The following INVS variants were observed in gnomAD, a reference collection of about 807,000 sequenced individuals.
INVS encodes the protein inversin.
INVS carries 86 observed loss-of-function variants against 108.8 expected under a neutral mutation model. The ratio of observed to expected loss-of-function variants is 0.79; its 90% CI spans 0.66 to 0.95. The LOEUF (loss-of-function observed/expected upper bound fraction) is 0.95. Among genes scored for constraint, INVS ranks in the 40% least tolerant of loss-of-function variants. The probability of loss-of-function intolerance (pLI) is 0.00; values close to 1 mark genes in which losing one functional copy is unlikely to be tolerated. For synonymous variants in INVS, 455 were observed against 473.5 expected, an observed-to-expected ratio of 0.96 and a Z score of 0.51; for missense variants, 1,169 against 1,297.4, an observed-to-expected ratio of 0.90 and a Z score of 1.52.
intron 10 of INVS, among the ~76,000 whole-genome samples, chr9:100,263,501 G>GT (rs1345621767): frequency 3.9e-5 from 6 of 152,070 alleles, no homozygotes; most frequent in African/African-American, 1.2e-4. Flanking sequence ...GCCTTTCTCT[G>GT]TATCACTTAT....
chr9:100,163,479 GAACAA>G (rs1829259491), intron 3 of INVS, among the ~76,000 whole-genome samples: 1 of 151,986 alleles, frequency 6.6e-6, no homozygotes, highest in Admixed American at 6.6e-5. Context: ...ATATAGCAGT[GAACAA>G]AACAAAACAA....
At chr9:100,209,499 A>G (rs770632147) in intron 3 of INVS, among the ~76,000 whole-genome samples, 25 of 152,242 alleles carry the variant, frequency 1.6e-4, no homozygotes, top group Non-Finnish European at 3.4e-4. Context: ...GGCCGGGTGC[A>G]GTGGCTCATG....
At chr9:100,124,683 T>C (rs1827831365) in intron 2 of INVS, among the ~76,000 whole-genome samples, 1 of 152,228 alleles carries the variant, frequency 6.6e-6, no homozygotes, top group Non-Finnish European at 1.5e-5. Flanking sequence ...GAGCACTTTT[T>C]TGAGAGTTGT....
chr9:100,274,088 T>A (rs1329647230), intron 12 of INVS, among the ~76,000 whole-genome samples: 1 of 152,036 alleles, frequency 6.6e-6, no homozygotes, highest in Non-Finnish European at 1.5e-5. Context: ...CTGGGTGCGG[T>A]GGCTCACACC....
At chr9:100,293,653 G>C (rs868429297) in intron 14 of INVS, among the ~76,000 whole-genome samples, 4 of 152,216 alleles carry the variant, frequency 2.6e-5, no homozygotes, top group Non-Finnish European at 4.4e-5. Context: ...GGCACTGGGA[G>C]TGGGGGTGAA....
At position 100,229,959 on chromosome 9, in the gene INVS, C is replaced by G. The variant is rs1452896750; in HGVS notation, c.615+132C>G. 3.7e-6 allele frequency: 3 copies of G among 813,534 alleles called. No individual in the cohort carries two copies. The African/African-American group carries it at 5.1e-5, about 14-fold the overall frequency. The allele number at this position is 813,534 out of a possible 1,614,324, so 50.4% of individuals were successfully genotyped here. A position where few individuals can be genotyped will look rare whatever the true frequency, so the allele number is the denominator to read the frequency against. The stretch of plus-strand genomic sequence containing the variant: ...CAAAAGAATACAACAGACATATGGA[C>G]TCATCCCCCAAGAAGTAGAACATTT... On this transcript the variant is annotated intron_variant, in intron 5 of 16. Transcript: ENST00000262457.
At chr9:100,216,652 A>G (rs181890614) in intron 3 of INVS, among the ~76,000 whole-genome samples, 1 of 152,278 alleles carries the variant, frequency 6.6e-6, no homozygotes, top group East Asian at 1.9e-4. Flanking sequence ...TTTTCAATCC[A>G]CCTAAAGATC....
intron 3 of INVS, among the ~76,000 whole-genome samples, chr9:100,177,420 G>T (rs1829753109): frequency 6.6e-6 from 1 of 152,180 alleles, no homozygotes; most frequent in Non-Finnish European, 1.5e-5. Flanking sequence ...GTCGACCTGG[G>T]ACACTCTAGC....
intron 3 of INVS, among the ~76,000 whole-genome samples, chr9:100,176,718 C>T (rs949508749): frequency 9.9e-5 from 15 of 152,018 alleles, no homozygotes; most frequent in Admixed American, 7.9e-4. Context: ...CCTTGTGATC[C>T]GCCCGCCTCA....
At chr9:100,140,726 G>A (rs1462851134) in intron 3 of INVS, among the ~76,000 whole-genome samples, 2 of 152,102 alleles carry the variant, frequency 1.3e-5, no homozygotes, top group South Asian at 2.1e-4. Context: ...AATTAGGGGC[G>A]GTGTGGGAAC....
chr9:100,191,880 AT>A (rs1265723267), intron 3 of INVS, among the ~76,000 whole-genome samples: 1 of 152,040 alleles, frequency 6.6e-6, no homozygotes, highest in Admixed American at 6.6e-5. Flanking sequence ...CCCCTTAAGG[AT>A]GTAACTTTAA....
At chr9:100,247,839 C>T (rs1009458121) in intron 8 of INVS, among the ~76,000 whole-genome samples, 3 of 152,032 alleles carry the variant, frequency 2.0e-5, no homozygotes, top group Non-Finnish European at 4.4e-5. Context: ...GACGGAGTCT[C>T]ACTCTGTCAC....
At chr9:100,243,465 A>T (rs1831944009) in intron 7 of INVS, among the ~76,000 whole-genome samples, 1 of 152,308 alleles carries the variant, frequency 6.6e-6, no homozygotes, top group South Asian at 2.1e-4. Flanking sequence ...TATGTATATT[A>T]TACGTCTGAG....
chr9:100,238,128 G>A (rs1046289313), intron 5 of INVS, among the ~76,000 whole-genome samples: 7 of 151,714 alleles, frequency 4.6e-5, no homozygotes, highest in Non-Finnish European at 8.8e-5. Context: ...ATCCACCTAC[G>A]TCAGCCTCCC....
intron 3 of INVS, among the ~76,000 whole-genome samples, chr9:100,133,264 T>C (rs1262438871): frequency 6.6e-6 from 1 of 152,178 alleles, no homozygotes; most frequent in African/African-American, 2.4e-5. Context: ...CCAAAACCCT[T>C]CTTTCCCTGT....
chr9:100,149,746 C>G (rs1828749446), intron 3 of INVS, among the ~76,000 whole-genome samples: 1 of 152,084 alleles, frequency 6.6e-6, no homozygotes, highest in African/African-American at 2.4e-5. Context: ...GTCAACACAT[C>G]TTGATTGAAA....
Position 100,182,477 on chromosome 9 carries a change from A to G in INVS, c.274-43585A>G, listed in dbSNP as rs1385999160. Among the ~76,000 whole-genome samples the G allele has an allele frequency of 3.0e-4, 45 of 152,170 alleles. 1 individual carries two copies. Among genetic ancestry groups the G allele is most frequent in the Admixed American group, 2.9e-3 (45 of 15,260 alleles). On this transcript the variant is annotated intron_variant, in intron 3 of 16. Coordinates refer to ENST00000262457, the MANE Select transcript of INVS (RefSeq NM_014425.5). The stretch of plus-strand genomic sequence containing the variant: ...TAAACAGACACGTCTCAAAAAACAG[A>G]CACTGTCTTCAAAAGACGACATTAT...
intron 8 of INVS, among the ~76,000 whole-genome samples, chr9:100,247,139 T>C (rs1015252553): frequency 3.9e-5 from 6 of 152,110 alleles, no homozygotes; most frequent in Non-Finnish European, 8.8e-5. Context: ...TCATGAATTA[T>C]ATTTTCAAAA....
intron 3 of INVS, among the ~76,000 whole-genome samples, chr9:100,196,764 A>G (rs1281585154): frequency 6.6e-6 from 1 of 151,016 alleles, no homozygotes; most frequent in Non-Finnish European, 1.5e-5. Flanking sequence ...TTAAATACAT[A>G]TAATTATTTA....
Sources: allele counts gnomAD v4.1 joint callset (sites outside exome capture counted in the v4.1 genomes callset), GRCh38; gene constraint gnomAD v4.1.1; transcripts MANE v1.5; gene names NCBI Gene and HGNC (gene_info 2026-07-23, HGNC 2026-07-21).